FHIT: variants seen among roughly 807,000 people sequenced by gnomAD.
FHIT encodes bis(5'-adenosyl)-triphosphatase.
A neutral mutation model predicts 17.9 loss-of-function variants in FHIT; 19 were observed. That is an observed-to-expected ratio of 1.06 (90% CI 0.74 to 1.56). The LOEUF is 1.56. Among genes scored for constraint, FHIT ranks in the 40% most tolerant of loss-of-function variants. FHIT has a pLI of 0.00. For synonymous variants in FHIT, 81 were observed against 69.7 expected (o/e 1.16, Z -0.81); for missense variants, 248 against 189.2 (o/e 1.31, Z -1.82).
At chr3:60,708,095 G>C (rs1213325363) in intron 4 of FHIT, among the ~76,000 whole-genome samples, 1 of 152,066 alleles carries the variant, frequency 6.6e-6, no homozygotes, top group Non-Finnish European at 1.5e-5. Flanking sequence ...TCTTAGTATA[G>C]ATTCAAAGTG....
intron 2 of FHIT, among the ~76,000 whole-genome samples, chr3:61,043,084 C>A (rs754087996): frequency 5.3e-5 from 8 of 152,062 alleles, no homozygotes; most frequent in Admixed American, 1.3e-4. Context: ...ACTGAGGTAC[C>A]GGGTTCATCT....
intron 7 of FHIT, among the ~76,000 whole-genome samples, chr3:59,979,250 G>C (rs1396366915): frequency 6.6e-6 from 1 of 152,106 alleles, no homozygotes; most frequent in Non-Finnish European, 1.5e-5. Context: ...AAGAACTACA[G>C]AAGCATGGCA....
At chr3:60,357,085 G>A (rs1448737843) in intron 5 of FHIT, among the ~76,000 whole-genome samples, 2 of 152,096 alleles carry the variant, frequency 1.3e-5, no homozygotes, top group Non-Finnish European at 2.9e-5. Context: ...AGATCTTCTG[G>A]TCCATGATAT....
intron 8 of FHIT, among the ~76,000 whole-genome samples, chr3:59,769,252 G>T (rs1170519842): frequency 6.6e-6 from 1 of 152,182 alleles, no homozygotes; most frequent in Non-Finnish European, 1.5e-5. Flanking sequence ...AAACAGAAAC[G>T]ACAGGCTGGA....
At chr3:60,541,044 T>C (rs2036170327) in intron 4 of FHIT, among the ~76,000 whole-genome samples, 1 of 152,164 alleles carries the variant, frequency 6.6e-6, no homozygotes, top group Non-Finnish European at 1.5e-5. Context: ...TGTCCAGGTG[T>C]TTCAGAACCA....
chr3:59,906,482 A>C (rs1253801638), intron 8 of FHIT, among the ~76,000 whole-genome samples: 1 of 152,194 alleles, frequency 6.6e-6, no homozygotes, highest in Non-Finnish European at 1.5e-5. Flanking sequence ...CAGCATGTAG[A>C]CCCCTAAAAA....
At chr3:60,770,872 A>T (rs1553722893) in intron 4 of FHIT, among the ~76,000 whole-genome samples, 3 of 152,184 alleles carry the variant, frequency 2.0e-5, no homozygotes, top group African/African-American at 7.2e-5. Context: ...TTCCTTCTCT[A>T]TTTAAATTAG....
chr3:61,138,064 T>G (rs962516589), intron 2 of FHIT, among the ~76,000 whole-genome samples: 2 of 152,178 alleles, frequency 1.3e-5, no homozygotes, highest in African/African-American at 4.8e-5. Flanking sequence ...TGTGACTCAG[T>G]TTCCTCTTCT....
intron 5 of FHIT, among the ~76,000 whole-genome samples, chr3:60,133,179 T>C (rs1315303838): frequency 6.6e-6 from 1 of 152,224 alleles, no homozygotes; most frequent in African/African-American, 2.4e-5. Flanking sequence ...AGACATGGGC[T>C]GGTGCTGATG....
chr3:60,077,727 C>CATATATAT lies in FHIT; in HGVS notation c.104-63576_104-63575insATATATAT, dbSNP rs1441319713. ...ACACACACACACACACACACACACACACATATATAGAGGGGGGGGGGAGGA... is the reference window on the plus strand; with the variant it reads ...ACACACACACACACACACACACACACATATATATACATATATAGAGGGGGGGGGGAGGA... On this transcript the variant is annotated intron_variant, in intron 5 of 9. Coordinates refer to ENST00000492590, the MANE Select transcript of FHIT (RefSeq NM_002012.4). 2.8e-3 allele frequency among the ~76,000 whole-genome samples: 215 copies of CATATATAT among 76,388 alleles called. 1 individual carries two copies. The highest frequency in any genetic ancestry group is 0.013 in the African/African-American group (206 of 15,374). 50.1% of individuals were successfully genotyped at this position (76,388 alleles called of 152,430 possible).
intron 8 of FHIT, among the ~76,000 whole-genome samples, chr3:59,789,297 T>C (rs1699450701): frequency 6.6e-6 from 1 of 152,206 alleles, no homozygotes; most frequent in South Asian, 2.1e-4. Context: ...ACCCACATTT[T>C]TTATGGTCAA....
intron 7 of FHIT, among the ~76,000 whole-genome samples, chr3:59,985,440 G>C (rs984537845): frequency 6.6e-6 from 1 of 151,976 alleles, no homozygotes; most frequent in Non-Finnish European, 1.5e-5. Context: ...CAAACTACGT[G>C]GTCTAAGGAC....
intron 4 of FHIT, among the ~76,000 whole-genome samples, chr3:60,757,461 T>C (rs1383905621): frequency 6.6e-6 from 1 of 152,192 alleles, no homozygotes; most frequent in Non-Finnish European, 1.5e-5. Context: ...AAAACTTCCT[T>C]TAGGCAAAGA....
At chr3:60,579,432 T>G (rs1338896536) in intron 4 of FHIT, among the ~76,000 whole-genome samples, 3 of 152,206 alleles carry the variant, frequency 2.0e-5, no homozygotes, top group Admixed American at 6.5e-5. Flanking sequence ...TGTCATTATG[T>G]GGTGCATGAC....
At chr3:59,930,588 C>T (rs2366968) in intron 7 of FHIT, among the ~76,000 whole-genome samples, 76,711 of 151,944 alleles carry the variant, frequency 0.5, 19,952 homozygotes, top group East Asian at 0.98. Context: ...GTTCCCCCTC[C>T]GTGATTCAAA....
At chr3:59,981,241 A>AT (rs934604478) in intron 7 of FHIT, among the ~76,000 whole-genome samples, 36 of 152,134 alleles carry the variant, frequency 2.4e-4, no homozygotes, top group Non-Finnish European at 7.4e-5. Context: ...ATCCAGACAC[A>AT]TTTTTTTTAA....
chr3:59,790,984 C>A (rs1699531739), intron 8 of FHIT, among the ~76,000 whole-genome samples: 1 of 152,204 alleles, frequency 6.6e-6, no homozygotes, highest in African/African-American at 2.4e-5. Flanking sequence ...CTTCAGGACT[C>A]TGGTGAAATG....
Position 59,840,046 on chromosome 3 carries a change from G to A in FHIT, c.348+82300C>T, listed in dbSNP as rs556182652. On this transcript the variant is annotated intron_variant, in intron 8 of 9. Transcript: ENST00000492590. ...TCTAAGTAGCCAGGCTACAGTGAGT[G>A]GGGGCTACAGAAAAGCCACAGGAGG... is the stretch of plus-strand genomic sequence containing the variant. Among the ~76,000 whole-genome samples the A allele has an allele frequency of 4.6e-4, 70 of 152,250 alleles. 4 individuals carry two copies. In the South Asian group the frequency reaches 0.014, roughly 30 times the overall value.
intron 4 of FHIT, among the ~76,000 whole-genome samples, chr3:60,774,589 T>C (rs2108081606): frequency 6.6e-6 from 1 of 152,270 alleles, no homozygotes; most frequent in African/African-American, 2.4e-5. Flanking sequence ...CATGAGCCAC[T>C]GTGCTTGGCC....
Sources: allele counts gnomAD v4.1 joint callset (sites outside exome capture counted in the v4.1 genomes callset), GRCh38; gene constraint gnomAD v4.1.1; transcripts MANE v1.5; gene names NCBI Gene and HGNC (gene_info 2026-07-23, HGNC 2026-07-21).